The following ANOS1 variants were observed in gnomAD, a reference collection of about 807,000 sequenced individuals.
ANOS1 encodes anosmin-1.
In ANOS1, 6 loss-of-function variants were observed where a neutral mutation model predicts 59.0. The observed-to-expected ratio is 0.10, with a 90% CI of 0.06 to 0.20. ANOS1 has a LOEUF of 0.20. ANOS1 is among the 10% of genes least tolerant of loss of function. ANOS1 has a pLI of 1.00. For missense variants in ANOS1, 433 were observed against 542.3 expected (o/e 0.80, Z 2.00); for synonymous variants, 217 against 223.4 (o/e 0.97, Z 0.25).
chrX:8,553,853 G>T, intron 9 of ANOS1, 99 bp downstream of exon 9: 1 of 795,210 alleles, frequency 1.3e-6, no homozygotes, highest in Non-Finnish European at 1.9e-6. Flanking sequence ...GTTTGCCTTA[G>T]TATTGATACT....
chrX:8,598,268 C>T lies in ANOS1; in HGVS notation c.319-1012G>A, dbSNP rs1183634438. ...TTGGTTGAGCCCAGAATCAATCAAC[C>T]ATTAGTGAGAATAGGAAGCCCTGGA... On this transcript the variant is annotated intron_variant, in intron 3 of 13. Transcript: ENST00000262648. Among the ~76,000 whole-genome samples, 4 of 111,846 alleles carry T rather than the reference C, an allele frequency of 3.6e-5. No homozygotes were observed. In the East Asian group the frequency reaches 1.1e-3, roughly 31 times the overall value.
At chrX:8,679,596 T>A (rs1190522717) in intron 2 of ANOS1, among the ~76,000 whole-genome samples, 8 of 109,670 alleles carry the variant, frequency 7.3e-5, no homozygotes, top group Non-Finnish European at 1.5e-4. Context: ...TACAGTCAAA[T>A]TCATAAAAAC....
chrX:8,666,232 A>G (rs1932133123), intron 2 of ANOS1, among the ~76,000 whole-genome samples: 1 of 111,075 alleles, frequency 9.0e-6, no homozygotes, highest in East Asian at 2.8e-4. Context: ...GAAAAGAAAA[A>G]AATCCCAAAT....
At chrX:8,707,412 T>C (rs184479843) in intron 1 of ANOS1, among the ~76,000 whole-genome samples, 118 of 112,151 alleles carry the variant, frequency 1.1e-3, no homozygotes, top group Non-Finnish European at 1.4e-3. Flanking sequence ...CATTATTTTG[T>C]TTCCTATGAT....
In ANOS1 at chrX:8,659,090, G is replaced by A. The variant is rs1021901874; in HGVS notation, c.256-35420C>T. On this transcript the variant is annotated intron_variant, in intron 2 of 13. Coordinates refer to ENST00000262648, the MANE Select transcript of ANOS1 (RefSeq NM_000216.4). Reference sequence around the variant, plus strand: ...AATACACAAAAAATTATCCGGGTGTGGTGGTGTGTGCCTGTAATCCCAGCT... The same window carrying A: ...AATACACAAAAAATTATCCGGGTGTAGTGGTGTGTGCCTGTAATCCCAGCT... Among the ~76,000 whole-genome samples, 29 of 111,056 alleles carry A rather than the reference G, an allele frequency of 2.6e-4. 1 individual carries two copies. The highest frequency in any genetic ancestry group is 5.7e-4 in the East Asian group (2 of 3,519).
At chrX:8,728,286 TAA>T (rs1030256328) in intron 1 of ANOS1, among the ~76,000 whole-genome samples, 24 of 112,213 alleles carry the variant, frequency 2.1e-4, no homozygotes, top group African/African-American at 6.8e-4. Context: ...TTGTGGGGAT[TAA>T]AAGAGTAGTA....
rs1929472262 is a variant in ANOS1, at chrX:8,530,004, T to A, written c.*2991A>T. 8.9e-6 allele frequency: 1 copy of A among 112,054 alleles called. No individual in the cohort carries two copies. Among genetic ancestry groups the A allele is most frequent in the African/African-American group, 3.2e-5 (1 of 30,843 alleles). The allele number at this position is 112,054 out of a possible 1,213,427, so 9.2% of individuals were successfully genotyped here. A position where few individuals can be genotyped will look rare whatever the true frequency, so the allele number is the denominator to read the frequency against. On this transcript the variant is annotated 3_prime_UTR_variant, in exon 14 of 14. Transcript: ENST00000262648. ...GGTTTTCAGGACACAGATGTATTTC[T>A]AATCTTTGAACTTCGTTTAATACAC... is the stretch of plus-strand genomic sequence containing the variant.
rs777093448 is a variant in ANOS1, at chrX:8,595,859, G to A, written c.541+1175C>T. 3.6e-5 allele frequency among the ~76,000 whole-genome samples: 4 copies of A among 111,240 alleles called. No homozygotes were observed. In the South Asian group the frequency reaches 1.5e-3, roughly 43 times the overall value. ...GGTAAGTGGTGGGTGAGTGGACAAA[G>A]CTTCAACTGTATTTACAGCCACTCC... On this transcript the variant is annotated intron_variant, in intron 4 of 13. Coordinates refer to ENST00000262648, the MANE Select transcript of ANOS1 (RefSeq NM_000216.4).
chrX:8,625,736 C>T (rs759056481), intron 2 of ANOS1, among the ~76,000 whole-genome samples: 1 of 111,536 alleles, frequency 9.0e-6, no homozygotes, highest in South Asian at 3.8e-4. Context: ...TCTCAACCTA[C>T]AGTCTGAATC....
intron 3 of ANOS1, among the ~76,000 whole-genome samples, chrX:8,615,257 C>G (rs1226405648): frequency 9.0e-6 from 1 of 111,568 alleles, no homozygotes; most frequent in Non-Finnish European, 1.9e-5. Context: ...TGAAAATTGT[C>G]TATGTGGCTG....
chrX:8,542,387 G>A (rs1050609397), intron 9 of ANOS1, among the ~76,000 whole-genome samples: 1 of 110,864 alleles, frequency 9.0e-6, no homozygotes, highest in Non-Finnish European at 1.9e-5. Flanking sequence ...GTGGGCTTCA[G>A]CAAGCAACTC....
chrX:8,629,513 A>G (rs1931451875), intron 2 of ANOS1, among the ~76,000 whole-genome samples: 1 of 111,827 alleles, frequency 8.9e-6, no homozygotes, highest in Non-Finnish European at 1.9e-5. Flanking sequence ...GGATTAGTAA[A>G]CTATGGTGCT....
At chrX:8,550,954 G>A (rs551119962) in intron 9 of ANOS1, among the ~76,000 whole-genome samples, 3 of 111,414 alleles carry the variant, frequency 2.7e-5, no homozygotes, top group African/African-American at 6.5e-5. Context: ...CTGAATCATG[G>A]GGACGAGGTT....
chrX:8,635,094 A>G (rs1334911138), intron 2 of ANOS1, among the ~76,000 whole-genome samples: 1 of 110,945 alleles, frequency 9.0e-6, no homozygotes, highest in Non-Finnish European at 1.9e-5. Flanking sequence ...TGACTCTGTA[A>G]GGATCCCAAT....
At chrX:8,711,829 TTGTA>T (rs1932814613) in intron 1 of ANOS1, among the ~76,000 whole-genome samples, 1 of 112,862 alleles carries the variant, frequency 8.9e-6, no homozygotes, top group Admixed American at 9.4e-5. Context: ...AATTTCTACA[TTGTA>T]TGGTTGTTTC....
At chrX:8,676,107 A>AT (rs1238376646) in intron 2 of ANOS1, among the ~76,000 whole-genome samples, 4 of 111,029 alleles carry the variant, frequency 3.6e-5, no homozygotes, top group Admixed American at 2.9e-4. Flanking sequence ...TGTATCATAT[A>AT]TTTTTTACTT....
intron 8 of ANOS1, among the ~76,000 whole-genome samples, chrX:8,561,209 C>T (rs1048109760): frequency 5.3e-5 from 6 of 112,626 alleles, no homozygotes; most frequent in East Asian, 5.6e-4. Context: ...AAAATAAAAA[C>T]GCACATTTGT....
intron 2 of ANOS1, among the ~76,000 whole-genome samples, chrX:8,665,051 C>T (rs962523755): frequency 3.7e-4 from 41 of 111,764 alleles, no homozygotes; most frequent in Non-Finnish European, 7.5e-5. Context: ...CAGGCATGAG[C>T]AAGAGAACGA....
chrX:8,588,012 C>T, intron 4 of ANOS1, 34 bp from the exon 5 acceptor site: 8 of 1,120,659 alleles, frequency 7.1e-6, no homozygotes, highest in Admixed American at 2.2e-5. Flanking sequence ...AAACAATCTG[C>T]GTGTGACTCA....
Sources: allele counts gnomAD v4.1 joint callset (sites outside exome capture counted in the v4.1 genomes callset), GRCh38; gene constraint gnomAD v4.1.1; transcripts MANE v1.5; gene names NCBI Gene and HGNC (gene_info 2026-07-23, HGNC 2026-07-21).